Variants in WDPCP observed in about 807,000 individuals in gnomAD.
WDPCP encodes WD repeat-containing and planar cell polarity effector protein fritz homolog.
In WDPCP, 71 loss-of-function variants were observed where a neutral mutation model predicts 93.1. That is an observed-to-expected ratio of 0.76 (90% CI 0.63 to 0.93). The LOEUF (loss-of-function observed/expected upper bound fraction) is 0.93. Among genes scored for constraint, WDPCP ranks in the 40% least tolerant of loss-of-function variants. WDPCP has a pLI of 0.00. For synonymous variants in WDPCP, 315 were observed against 315.0 expected (o/e 1.00, Z 0.00); for missense variants, 844 against 887.4 (o/e 0.95, Z 0.62).
At chr2:63,720,583 T>C (rs1360920432) in intron 2 of WDPCP, among the ~76,000 whole-genome samples, 1 of 152,072 alleles carries the variant, frequency 6.6e-6, no homozygotes, top group Non-Finnish European at 1.5e-5. Context: ...TCCCCATTGA[T>C]TTTTTTTCCT....
chr2:63,582,711 T>A (rs558149948), intron 1 of WDPCP, among the ~76,000 whole-genome samples: 1 of 151,770 alleles, frequency 6.6e-6, no homozygotes, highest in African/African-American at 2.4e-5. Context: ...TACAGAAAGA[T>A]AAAGATGATA....
At chr2:63,232,160 C>A (rs529167524) in intron 14 of WDPCP, among the ~76,000 whole-genome samples, 1 of 152,142 alleles carries the variant, frequency 6.6e-6, no homozygotes, top group Non-Finnish European at 1.5e-5. Flanking sequence ...CCCTTCCTTA[C>A]GCCTTATACA....
At chr2:63,236,025 A>G (rs1679364529) in intron 14 of WDPCP, among the ~76,000 whole-genome samples, 1 of 152,198 alleles carries the variant, frequency 6.6e-6, no homozygotes, top group Non-Finnish European at 1.5e-5. Flanking sequence ...AAAGGCATCC[A>G]AAAAGGAAGT....
intron 10 of WDPCP, among the ~76,000 whole-genome samples, chr2:63,401,708 A>T (rs575665631): frequency 6.6e-6 from 1 of 152,234 alleles, no homozygotes; most frequent in Non-Finnish European, 1.5e-5. Context: ...AGGGGGCTGA[A>T]GCAGGAGAAT....
At chr2:63,425,557 A>G (rs1696214426) in intron 9 of WDPCP, among the ~76,000 whole-genome samples, 1 of 152,240 alleles carries the variant, frequency 6.6e-6, no homozygotes, top group Admixed American at 6.5e-5. Flanking sequence ...AAACTGAAAA[A>G]TTCACTACAA....
At position 63,435,626 on chromosome 2, in the gene WDPCP, T is replaced by C. The variant is rs138372373; in HGVS notation, c.634-1690A>G. On this transcript the variant is annotated intron_variant, in intron 8 of 17. Transcript: ENST00000272321. ...AATGCAAATCACTTACGTTATGAAA[T>C]GTTAGGAAATTTCATGTTTCCTATG... Among the ~76,000 whole-genome samples, 642 of 152,256 alleles carry C rather than the reference T, an allele frequency of 4.2e-3. 8 individuals are homozygous for C. The highest frequency in any genetic ancestry group is 0.014 in the African/African-American group (600 of 41,566).
chr2:63,321,201 A>T (rs980452748), intron 12 of WDPCP, among the ~76,000 whole-genome samples: 1 of 152,140 alleles, frequency 6.6e-6, no homozygotes, highest in Non-Finnish European at 1.5e-5. Flanking sequence ...AGCACACCTC[A>T]ATCAGCAAGA....
chr2:63,778,146 C>T (rs182779357), intron 2 of WDPCP, among the ~76,000 whole-genome samples: 94 of 152,254 alleles, frequency 6.2e-4, no homozygotes, highest in African/African-American at 2.2e-3. Context: ...CTTCATGTCT[C>T]TGAGTCTTTA....
chr2:63,261,088 G>A (rs1681590283), intron 13 of WDPCP, among the ~76,000 whole-genome samples: 1 of 151,862 alleles, frequency 6.6e-6, no homozygotes, highest in Non-Finnish European at 1.5e-5. Flanking sequence ...AACATACTGT[G>A]ATAAAATCAT....
At chr2:63,257,771 T>C (rs1376361013) in intron 14 of WDPCP, among the ~76,000 whole-genome samples, 1 of 152,178 alleles carries the variant, frequency 6.6e-6, no homozygotes, top group African/African-American at 2.4e-5. Context: ...TTCATTTTGC[T>C]GAAATTTTGT....
intron 2 of WDPCP, among the ~76,000 whole-genome samples, chr2:63,667,139 G>T (rs1422553995): frequency 1.3e-5 from 2 of 152,212 alleles, no homozygotes; most frequent in African/African-American, 4.8e-5. Flanking sequence ...AGCAGTTTAT[G>T]TCAAGTATAT....
At chr2:63,524,658 C>T (rs1703188658) in intron 1 of WDPCP, among the ~76,000 whole-genome samples, 1 of 152,120 alleles carries the variant, frequency 6.6e-6, no homozygotes, top group Admixed American at 6.6e-5. Flanking sequence ...CCACGGAAGA[C>T]AACCTAGGAA....
At chr2:63,330,377 C>T (rs749170179) in intron 12 of WDPCP, among the ~76,000 whole-genome samples, 1 of 152,114 alleles carries the variant, frequency 6.6e-6, no homozygotes, top group Non-Finnish European at 1.5e-5. Flanking sequence ...ATTTGTGTAT[C>T]TTCTTTGGAA....
intron 6 of WDPCP, chr2:63,441,619 C>T (rs1697509945): frequency 6.6e-6 from 1 of 151,746 alleles, no homozygotes; most frequent in African/African-American, 2.4e-5. Flanking sequence ...CAATGGAACA[C>T]CAGATAATTT....
intron 14 of WDPCP, among the ~76,000 whole-genome samples, chr2:63,230,165 T>G (rs898883422): frequency 1.4e-4 from 21 of 145,102 alleles, no homozygotes; most frequent in Admixed American, 1.3e-3. Context: ...AATTCCCACT[T>G]ATGAGTGAGA....
Position 63,368,578 on chromosome 2 carries a change from G to A in WDPCP, c.1748+9808C>T, listed in dbSNP as rs982839987. Among the ~76,000 whole-genome samples the A allele has an allele frequency of 6.6e-5, 10 of 151,526 alleles. 1 individual carries two copies. The highest frequency in any genetic ancestry group is 3.3e-4 in the Admixed American group (5 of 15,174). On this transcript the variant is annotated intron_variant, in intron 12 of 17. Coordinates refer to ENST00000272321, the MANE Select transcript of WDPCP (RefSeq NM_015910.7). ...CGACCTCAGGTGATCCACTCACCTT[G>A]GCCTCTCAAAGTGCTGGGATTATAG... is the stretch of plus-strand genomic sequence containing the variant.
intron 1 of WDPCP, among the ~76,000 whole-genome samples, chr2:63,826,955 T>C (rs1003014953): frequency 2.0e-5 from 3 of 152,220 alleles, no homozygotes; most frequent in African/African-American, 4.8e-5. Flanking sequence ...CCATTTGGTA[T>C]TTATTTGACT....
At chr2:63,708,538 G>C (rs574193834) in intron 2 of WDPCP, among the ~76,000 whole-genome samples, 4 of 152,172 alleles carry the variant, frequency 2.6e-5, no homozygotes, top group Non-Finnish European at 5.9e-5. Context: ...CCCTTTCTTT[G>C]ACTAGGAAAG....
intron 1 of WDPCP, among the ~76,000 whole-genome samples, chr2:63,531,111 G>A (rs530228609): frequency 9.2e-5 from 14 of 152,330 alleles, no homozygotes; most frequent in Admixed American, 7.8e-4. Context: ...GTCCAAGATC[G>A]AACTGTGAGG....
Sources: gnomAD v4.1 joint callset for allele counts (sites outside exome capture counted in the v4.1 genomes callset) on GRCh38, gnomAD v4.1.1 for gene constraint, MANE v1.5 for transcripts, NCBI Gene and HGNC (gene_info 2026-07-23, HGNC 2026-07-21) for gene names.